The following TMOD1 variants were observed in gnomAD, a reference collection of about 807,000 sequenced individuals.
TMOD1 encodes the protein tropomodulin 1, also known as tropomodulin-1.
Under a neutral mutation model 40.6 loss-of-function variants are expected in TMOD1, and 17 were observed. The ratio of observed to expected loss-of-function variants is 0.42; its 90% CI spans 0.29 to 0.63. TMOD1 has a LOEUF of 0.63. TMOD1 is among the 20% of genes least tolerant of loss of function. The probability of loss-of-function intolerance (pLI) is 0.22; values close to 1 mark genes in which losing one functional copy is unlikely to be tolerated. For missense variants in TMOD1, 391 were observed against 447.6 expected (o/e 0.87, Z 1.14); for synonymous variants, 181 against 175.0 (o/e 1.03, Z -0.27).
chr9:97,533,117 C>T (rs1201438476), intron 2 of TMOD1, among the ~76,000 whole-genome samples: 1 of 152,184 alleles, frequency 6.6e-6, no homozygotes, highest in Non-Finnish European at 1.5e-5. Flanking sequence ...GTATAAGCTC[C>T]TTATTTTAAA....
chr9:97,515,894 G>C (rs1250779111), intron 1 of TMOD1, among the ~76,000 whole-genome samples: 1 of 152,114 alleles, frequency 6.6e-6, no homozygotes, highest in African/African-American at 2.4e-5. Context: ...ACATGAAACT[G>C]CAAGCATAAA....
chr9:97,555,422 G>T, intron 4 of TMOD1: 1 of 1,385,716 alleles, frequency 7.2e-7, no homozygotes, highest in Non-Finnish European at 9.3e-7. Context: ...GACTGCCGGC[G>T]CCTGCGGTTC....
intron 2 of TMOD1, among the ~76,000 whole-genome samples, chr9:97,538,837 A>C (rs960124848): frequency 2.7e-5 from 4 of 149,860 alleles, no homozygotes; most frequent in Non-Finnish European, 5.9e-5. Context: ...TCTACTAAAA[A>C]TACAAAAAAA....
At chr9:97,594,854 A>G (rs1175771381) in intron 9 of TMOD1, among the ~76,000 whole-genome samples, 1 of 38,320 alleles carries the variant, frequency 2.6e-5, no homozygotes, top group Non-Finnish European at 5.8e-5. Context: ...CAGGCCAAGC[A>G]TGGCACTTCA....
At position 97,601,683 on chromosome 9, in the gene TMOD1, A is replaced by G. The variant is rs1564004634; in HGVS notation, c.*1985A>G. ...TCTGTTGCAACTATTCAACTCTGCC[A>G]TAGATCATGTGTAAAGGAATGGGTG... On this transcript the variant is annotated 3_prime_UTR_variant, in exon 10 of 10. Transcript: ENST00000259365. The G allele has an allele frequency of 8.3e-6, 5 of 604,980 alleles. No homozygotes were observed. Among genetic ancestry groups the G allele is most frequent in the Non-Finnish European group, 8.3e-6 (4 of 481,680 alleles). The allele number at this position is 604,980 out of a possible 1,614,324, so 37.5% of individuals were successfully genotyped here. A position where few individuals can be genotyped will look rare whatever the true frequency, so the allele number is the denominator to read the frequency against.
At chr9:97,587,622 C>A (rs905796676) in intron 8 of TMOD1, among the ~76,000 whole-genome samples, 4 of 152,026 alleles carry the variant, frequency 2.6e-5, no homozygotes, top group Non-Finnish European at 5.9e-5. Context: ...ACACACCACA[C>A]AATTCATCCT....
chr9:97,586,256 A>ACCCTGCTGTGTGACGTGTCAGTGTGC lies in TMOD1; in HGVS notation c.871-5026_871-5001dup, dbSNP rs1563999175. Among the ~76,000 whole-genome samples the ACCCTGCTGTGTGACGTGTCAGTGTGC allele has an allele frequency of 3.3e-5, 5 of 151,854 alleles. No individual in the cohort carries two copies. The East Asian group carries it at 9.7e-4, about 29-fold the overall frequency. On this transcript the variant is annotated intron_variant, in intron 8 of 9. Coordinates refer to ENST00000259365, the MANE Select transcript of TMOD1 (RefSeq NM_003275.4). ...CCCTCAGCTGCAGGTCTGTTGGAAA[A>ACCCTGCTGTGTGACGTGTCAGTGTGC]CCCTGCTGTGTGACGTGTCAGTGTG...
chr9:97,565,720 C>T (rs557948762), intron 6 of TMOD1, 128 bp from the exon 7 acceptor site: 1 of 711,970 alleles, frequency 1.4e-6, no homozygotes. Context: ...AAGCCTAAAC[C>T]TTTTGCCCAT....
Position 97,546,264 on chromosome 9 carries a change from T to C in TMOD1, c.200T>C (p.Leu67Pro). The C allele has an allele frequency of 6.2e-7, 1 of 1,613,994 alleles. No individual in the cohort carries two copies. Among genetic ancestry groups the C allele is most frequent in the Non-Finnish European group, 8.5e-7 (1 of 1,180,004 alleles). The part of the protein sequence containing the change: ...APTGPFKREE[L>P]LDHLEKQAKE... Reference sequence around the variant, plus strand: ...ACGGGCCCCTTTAAAAGAGAGGAGCTCTTGGATCACTTGGAAAAGCAAGCA... The same window carrying C: ...ACGGGCCCCTTTAAAAGAGAGGAGCCCTTGGATCACTTGGAAAAGCAAGCA... The change falls in exon 3 of 10, where the codon CTC becomes CCC. Residue 67 changes from leucine to proline, a missense_variant. Leu to Pro is a moderately conservative substitution (Grantham distance 98). Coordinates refer to ENST00000259365, the MANE Select transcript of TMOD1 (RefSeq NM_003275.4).
chr9:97,533,768 G>C (rs1830138202), intron 2 of TMOD1, among the ~76,000 whole-genome samples: 1 of 152,216 alleles, frequency 6.6e-6, no homozygotes, highest in African/African-American at 2.4e-5. Flanking sequence ...TCACAGCCCT[G>C]GGCTGAGAAC....
At chr9:97,531,596 GC>G (rs1389488881) in intron 2 of TMOD1, among the ~76,000 whole-genome samples, 1 of 152,112 alleles carries the variant, frequency 6.6e-6, no homozygotes, top group African/African-American at 2.4e-5. Context: ...GGGTGACAGA[GC>G]AAGACTCCAT....
In TMOD1 at chr9:97,600,253, C is replaced by G. The variant is rs1482078392; in HGVS notation, c.*555C>G. ...TTTCCCCTCAGAACAGATAGACAGA[C>G]TGAAGCCACTGAACTCTGCCAGGAG... On this transcript the variant is annotated 3_prime_UTR_variant, in exon 10 of 10. Transcript: ENST00000259365. 2.0e-6 allele frequency: 2 copies of G among 987,180 alleles called. No individual in the cohort carries two copies. The highest frequency in any genetic ancestry group is 3.5e-5 in the African/African-American group (2 of 57,244). 61.2% of individuals were successfully genotyped at this position (987,180 alleles called of 1,614,324 possible).
intron 8 of TMOD1, among the ~76,000 whole-genome samples, chr9:97,582,581 T>G (rs1425403618): frequency 3.8e-5 from 5 of 131,452 alleles, no homozygotes; most frequent in South Asian, 2.6e-4. Context: ...ATCTGTAAAT[T>G]ACCTTGGGCA....
Position 97,518,284 on chromosome 9 carries a change from A to G in TMOD1, c.-48-5857A>G, listed in dbSNP as rs1829855908. 4.8e-5 allele frequency among the ~76,000 whole-genome samples: 5 copies of G among 105,060 alleles called. No individual in the cohort carries two copies. The South Asian group carries it at 1.3e-3, about 28-fold the overall frequency. 68.9% of individuals were successfully genotyped at this position (105,060 alleles called of 152,430 possible). A position where few individuals can be genotyped will look rare whatever the true frequency, so the allele number is the denominator to read the frequency against. ...GTGCAGAGGGTAGACACTGCGAAGA[A>G]AAAAACAGGGAAAGGAGCCTCTGCC... On this transcript the variant is annotated intron_variant, in intron 1 of 9. Transcript: ENST00000259365.
At chr9:97,536,624 G>T (rs922139191) in intron 2 of TMOD1, among the ~76,000 whole-genome samples, 51 of 152,146 alleles carry the variant, frequency 3.4e-4, no homozygotes, top group African/African-American at 1.2e-3. Context: ...GTTCCCAGAG[G>T]ACGGCAGTCA....
chr9:97,511,168 C>T (rs1829692156), intron 1 of TMOD1, among the ~76,000 whole-genome samples: 1 of 152,058 alleles, frequency 6.6e-6, no homozygotes, highest in Non-Finnish European at 1.5e-5. Flanking sequence ...TCGAGCATGG[C>T]TCATTGTGTT....
rs1423296217 is a variant in TMOD1, at chr9:97,557,158, T to A, written c.397+3758T>A. Among the ~76,000 whole-genome samples the A allele has an allele frequency of 6.6e-6, 1 of 152,144 alleles. No individual in the cohort carries two copies. Among genetic ancestry groups the A allele is most frequent in the Admixed American group, 6.5e-5 (1 of 15,276 alleles). On this transcript the variant is annotated intron_variant, in intron 4 of 9. Coordinates refer to ENST00000259365, the MANE Select transcript of TMOD1 (RefSeq NM_003275.4). This position sits in a 1 kb window ranked among gnomAD's most constrained non-coding sequence, Gnocchi z 4.4. Reference sequence around the variant, plus strand: ...AGACGAGAAACATGTATTTTTTTTTTAACCTTAAAATCTTTTATCACTTCA... The same window carrying A: ...AGACGAGAAACATGTATTTTTTTTTAAACCTTAAAATCTTTTATCACTTCA...
intron 1 of TMOD1, among the ~76,000 whole-genome samples, chr9:97,510,557 G>A (rs984156456): frequency 1.3e-5 from 2 of 152,166 alleles, no homozygotes; most frequent in Non-Finnish European, 2.9e-5. Flanking sequence ...TTCTACAAGT[G>A]CTTTTGACTT....
At chr9:97,524,071 A>G in intron 1 of TMOD1, 70 bp from the exon 2 acceptor site, 1 of 1,200,216 alleles carries the variant, frequency 8.3e-7, no homozygotes, top group Non-Finnish European at 1.2e-6. Context: ...TGTGTGAACG[A>G]TGAGCCTCCA....
Sources: gnomAD v4.1 joint callset for allele counts (sites outside exome capture counted in the v4.1 genomes callset) on GRCh38, gnomAD v4.1.1 for gene constraint, Gnocchi (gnomAD v3.1) non-coding constraint, MANE v1.5 for transcripts, NCBI Gene and HGNC (gene_info 2026-07-23, HGNC 2026-07-21) for gene names.